STK33: variants seen among roughly 807,000 people sequenced by gnomAD.
STK33 encodes the protein serine/threonine kinase 33.
A neutral mutation model predicts 58.0 loss-of-function variants in STK33; 52 were observed. The observed-to-expected ratio is 0.90, with a 90% CI of 0.72 to 1.13. The LOEUF (loss-of-function observed/expected upper bound fraction) is 1.13. Ranked by LOEUF, STK33 falls within the 50% of genes most tolerant of loss-of-function variation. STK33 has a pLI of 0.00. For synonymous variants in STK33, 215 were observed against 200.1 expected (o/e 1.07, Z -0.63); for missense variants, 630 against 604.2 (o/e 1.04, Z -0.45).
intron 15 of STK33, among the ~76,000 whole-genome samples, chr11:8,400,896 G>A (rs1564857454): frequency 6.6e-6 from 1 of 152,044 alleles, no homozygotes; most frequent in Non-Finnish European, 1.5e-5. Context: ...AAATACCTAG[G>A]AATCCAACTT....
chr11:8,466,038 G>A (rs1278290341), intron 6 of STK33: 1 of 152,062 alleles, frequency 6.6e-6, no homozygotes, highest in Non-Finnish European at 1.5e-5. Context: ...GAACAACATG[G>A]AAAAGACCCA....
At position 8,440,751 on chromosome 11, in the gene STK33, G is replaced by T. The variant is rs1425832205; in HGVS notation, c.874C>A (p.Pro292Thr). The change falls in exon 12 of 16, where the codon CCT becomes ACT. Residue 292 changes from proline (P) to threonine (T), a missense_variant and splice_region_variant. Physicochemically the swap from Pro to Thr is conservative, Grantham distance 38. Coordinates refer to ENST00000687296, the MANE Select transcript of STK33 (RefSeq NM_001352389.2). ...TAGTCGTGGGCACTGATAACTTCAG[G>T]GGCTGCCAAACAAGCAGATATAAAA... ...ATCGTPIYMA[P>T]EVISAHDYSQ... 1 of 1,562,878 alleles carries T rather than the reference G, an allele frequency of 6.4e-7. No homozygotes were observed. The highest frequency in any genetic ancestry group is 2.3e-5 in the East Asian group (1 of 42,762).
At chr11:8,383,556 A>C in the STK33 span, among the ~76,000 whole-genome samples, 1 of 152,206 alleles carries the variant, frequency 6.6e-6, no homozygotes, top group South Asian at 2.1e-4. Context: ...TTTCAGCAAA[A>C]TACCTGGCCC....
At chr11:8,525,830 A>G (rs1953972630) in intron 1 of STK33, among the ~76,000 whole-genome samples, 1 of 152,216 alleles carries the variant, frequency 6.6e-6, no homozygotes, top group Admixed American at 6.5e-5. Flanking sequence ...AGAATGTATA[A>G]AAACTTCCTA....
chr11:8,470,407 G>C (rs942339864), intron 6 of STK33, among the ~76,000 whole-genome samples: 1 of 152,180 alleles, frequency 6.6e-6, no homozygotes, highest in Non-Finnish European at 1.5e-5. Flanking sequence ...TTGGCTTAAG[G>C]AATCTTGTGC....
chr11:8,590,508 C>A (rs1302460654), intron 1 of STK33, among the ~76,000 whole-genome samples: 1 of 151,902 alleles, frequency 6.6e-6, no homozygotes, highest in Non-Finnish European at 1.5e-5. Flanking sequence ...TAATGTAAAC[C>A]ACATCCTTAC....
At chr11:8,339,035 A>G in the STK33 span, among the ~76,000 whole-genome samples, 2 of 152,288 alleles carry the variant, frequency 1.3e-5, no homozygotes, top group South Asian at 2.1e-4. Flanking sequence ...ATCCCCATGC[A>G]TCGGCTTGCT....
At position 8,409,997 on chromosome 11, in the gene STK33, T is replaced by C. The variant is rs117006922; in HGVS notation, c.1344+3498A>G. On this transcript the variant is annotated intron_variant, in intron 15 of 15. Transcript: ENST00000687296. ...GAAGTTATACTTTTAACTATTATGA[T>C]ATTTTAAGGGCTGTGCTTGGGTACA... Among the ~76,000 whole-genome samples, 466 of 152,230 alleles carry C rather than the reference T, an allele frequency of 3.1e-3. 1 individual carries two copies. Among genetic ancestry groups the C allele is most frequent in the Middle Eastern group, 6.8e-3 (2 of 294 alleles).
rs1001418899 is a variant in STK33 at position 8,563,464 on chromosome 11, G to C, written c.-466+30619C>G. 2.0e-5 allele frequency among the ~76,000 whole-genome samples: 3 copies of C among 152,100 alleles called. No homozygotes were observed. The South Asian group carries it at 6.2e-4, about 32-fold the overall frequency. Reference sequence around the variant, plus strand: ...AGAAACAATGACTAAGTGTATGAACGTAAGTCTGTAGGTATATGAATGTAA... The same window carrying C: ...AGAAACAATGACTAAGTGTATGAACCTAAGTCTGTAGGTATATGAATGTAA... On this transcript the variant is annotated intron_variant, in intron 1 of 15. Coordinates refer to ENST00000687296, the MANE Select transcript of STK33 (RefSeq NM_001352389.2).
At chr11:8,584,546 A>G (rs2031120600) in intron 1 of STK33, among the ~76,000 whole-genome samples, 1 of 152,224 alleles carries the variant, frequency 6.6e-6, no homozygotes, top group African/African-American at 2.4e-5. Context: ...GAGCAAGCCA[A>G]TCAGTGAGAG....
rs556094349 is a variant in STK33, at chr11:8,523,564, G to A, written c.-465-42950C>T. 3.1e-3 allele frequency among the ~76,000 whole-genome samples: 467 copies of A among 150,316 alleles called. 3 individuals are homozygous for A. Among genetic ancestry groups the A allele is most frequent in the African/African-American group, 0.011 (437 of 40,700 alleles). ...CGAGGAGCCCCTCCACCCGGCAGCC[G>A]CCCCATCTGGGAAGCGAAGAGCCCC... On this transcript the variant is annotated intron_variant, in intron 1 of 15. Coordinates refer to ENST00000687296, the MANE Select transcript of STK33 (RefSeq NM_001352389.2).
intron 15 of STK33, among the ~76,000 whole-genome samples, chr11:8,401,486 T>A: frequency 6.6e-6 from 1 of 152,174 alleles, no homozygotes; most frequent in East Asian, 1.9e-4. Context: ...GATTAAAGAC[T>A]TAAATGTTAA....
intron 11 of STK33, among the ~76,000 whole-genome samples, chr11:8,449,117 A>G (rs2136781704): frequency 6.6e-6 from 1 of 151,792 alleles, no homozygotes; most frequent in East Asian, 1.9e-4. Context: ...GGCGGTCATT[A>G]AAAAGTCAGG....
chr11:8,562,334 C>T (rs1191507260), intron 1 of STK33, among the ~76,000 whole-genome samples: 1 of 152,066 alleles, frequency 6.6e-6, no homozygotes, highest in Non-Finnish European at 1.5e-5. Flanking sequence ...TCTTGTCTCT[C>T]TCTCCTCTCT....
chr11:8,425,127 T>C (rs959631257), intron 14 of STK33, among the ~76,000 whole-genome samples: 21 of 151,486 alleles, frequency 1.4e-4, no homozygotes, highest in African/African-American at 4.6e-4. Flanking sequence ...AGGTCTAACA[T>C]TTAAGTCTTT....
chr11:8,452,758 A>G, intron 11 of STK33, 64 bp downstream of exon 11: 2 of 1,462,736 alleles, frequency 1.4e-6, no homozygotes, highest in Non-Finnish European at 1.9e-6. Context: ...ACTGCACTCC[A>G]GCCTGGGCAA....
At chr11:8,412,776 C>A (rs1344620720) in intron 15 of STK33, among the ~76,000 whole-genome samples, 2 of 152,250 alleles carry the variant, frequency 1.3e-5, no homozygotes, top group East Asian at 1.9e-4. Context: ...CAAACACATA[C>A]AGAGAAATTT....
chr11:8,396,355 G>C (rs948670565), intron 15 of STK33, among the ~76,000 whole-genome samples: 2 of 152,160 alleles, frequency 1.3e-5, no homozygotes, highest in Non-Finnish European at 2.9e-5. Context: ...CTGTGTATAT[G>C]GGTTTGTCTT....
intron 1 of STK33, among the ~76,000 whole-genome samples, chr11:8,592,240 C>A (rs1379464434): frequency 6.6e-6 from 1 of 152,116 alleles, no homozygotes; most frequent in East Asian, 1.9e-4. Flanking sequence ...CTAATTCCAG[C>A]CAAAGCCCAG....
Sources: allele counts gnomAD v4.1 joint callset (sites outside exome capture counted in the v4.1 genomes callset), GRCh38; gene constraint gnomAD v4.1.1; transcripts MANE v1.5; gene names NCBI Gene and HGNC (gene_info 2026-07-23, HGNC 2026-07-21).